ARNT2: variants seen among roughly 807,000 people sequenced by gnomAD.
ARNT2 encodes the protein aryl hydrocarbon receptor nuclear translocator 2.
In ARNT2, 36 loss-of-function variants were observed where a neutral mutation model predicts 91.7. The observed-to-expected ratio is 0.39, with a 90% CI of 0.30 to 0.52. The LOEUF (loss-of-function observed/expected upper bound fraction) is 0.52. Among genes scored for constraint, ARNT2 ranks in the 20% least tolerant of loss-of-function variants. ARNT2 has a pLI of 0.72. For missense variants in ARNT2, 775 were observed against 939.3 expected (o/e 0.83, Z 2.29); for synonymous variants, 365 against 347.1 (o/e 1.05, Z -0.57).
chr15:80,443,513 T>C (rs182102360), intron 1 of ARNT2, among the ~76,000 whole-genome samples: 1 of 151,628 alleles, frequency 6.6e-6, no homozygotes, highest in Admixed American at 6.6e-5. Flanking sequence ...CTCTCGGAGG[T>C]AGCAGCAGGG....
At chr15:80,536,301 A>G (rs1897822069) in intron 8 of ARNT2, among the ~76,000 whole-genome samples, 1 of 152,234 alleles carries the variant, frequency 6.6e-6, no homozygotes, top group Admixed American at 6.5e-5. Flanking sequence ...GGTCTGATTT[A>G]CACAAGGCCT....
intron 1 of ARNT2, among the ~76,000 whole-genome samples, chr15:80,445,694 T>C (rs535681292): frequency 2.0e-5 from 3 of 152,048 alleles, no homozygotes; most frequent in Non-Finnish European, 2.9e-5. Context: ...CACTCCCTCC[T>C]GAGATCCGGG....
At chr15:80,523,523 A>G (rs1897587248) in intron 8 of ARNT2, among the ~76,000 whole-genome samples, 1 of 152,196 alleles carries the variant, frequency 6.6e-6, no homozygotes, top group Non-Finnish European at 1.5e-5. Flanking sequence ...TTCCAAGGTG[A>G]CCATCTCATT....
At chr15:80,565,538 G>GTT (rs537342917) in intron 12 of ARNT2, among the ~76,000 whole-genome samples, 42,153 of 140,690 alleles carry the variant, frequency 0.3, 6,830 homozygotes, top group East Asian at 0.64. Flanking sequence ...TTTTGTTATT[G>GTT]TTTTTTTTTT....
chr15:80,505,990 G>A (rs186417601), intron 5 of ARNT2, among the ~76,000 whole-genome samples: 2 of 131,034 alleles, frequency 1.5e-5, no homozygotes, highest in Non-Finnish European at 1.5e-5. Flanking sequence ...ACTGCGGACC[G>A]CAGTGGCGCA....
At chr15:80,471,108 C>T (rs190635770) in intron 4 of ARNT2, among the ~76,000 whole-genome samples, 3 of 152,286 alleles carry the variant, frequency 2.0e-5, no homozygotes, top group Admixed American at 2.0e-4. Context: ...TTCACAATAG[C>T]AAAGACATGG....
chr15:80,580,303 A>C (rs2141480304), intron 15 of ARNT2, 108 bp from the exon 16 acceptor site: 2 of 1,379,770 alleles, frequency 1.4e-6, no homozygotes, highest in East Asian at 4.6e-5. Context: ...TGCTGCATGG[A>C]GAGAGAGCCA....
chr15:80,563,036 G>T, intron 11 of ARNT2, 52 bp from the exon 12 acceptor site: 1 of 1,607,580 alleles, frequency 6.2e-7, no homozygotes, highest in Non-Finnish European at 8.5e-7. Flanking sequence ...CCCTCCTCCC[G>T]TTTGGCACCA....
intron 9 of ARNT2, 94 bp from the exon 10 acceptor site, chr15:80,552,546 G>A (rs937045426): frequency 6.9e-7 from 1 of 1,456,086 alleles, no homozygotes; most frequent in African/African-American, 1.4e-5. Context: ...GATCTTTGAA[G>A]TGAAATGCAC....
intron 1 of ARNT2, among the ~76,000 whole-genome samples, chr15:80,440,210 T>G (rs530643650): frequency 1.3e-5 from 2 of 152,320 alleles, no homozygotes; most frequent in East Asian, 3.9e-4. Context: ...GTCTGCGGCT[T>G]CTAGGTTTGA....
chr15:80,470,470 A>G, intron 4 of ARNT2, 39 bp downstream of exon 4: 3 of 1,598,350 alleles, frequency 1.9e-6, no homozygotes, highest in Admixed American at 1.7e-5. Context: ...AAGCGGGGGG[A>G]ATCCCAGCGT....
Position 80,555,079 on chromosome 15 carries a change from G to C in ARNT2, c.1104G>C (p.Lys368Asn), listed in dbSNP as rs550917726. Residue 368 changes from lysine (K) to asparagine (N), a missense_variant, in exon 11 of 19, where the codon AAG (lysine) becomes AAC (asparagine). Coordinates refer to ENST00000303329, the MANE Select transcript of ARNT2 (RefSeq NM_014862.4). The part of the protein sequence containing the change: ...IGYQPQDLLG[K>N]DILEFCHPED... ...CTTTTATTTAGGATCTTCTGGGAAA[G>C]GACATTTTGGAATTCTGCCACCCTG... 1.2e-6 allele frequency: 2 copies of C among 1,614,084 alleles called. No homozygotes were observed. Among genetic ancestry groups the C allele is most frequent in the African/African-American group, 1.3e-5 (1 of 74,938 alleles).
intron 8 of ARNT2, among the ~76,000 whole-genome samples, chr15:80,535,320 C>T (rs1486891875): frequency 6.6e-6 from 1 of 152,210 alleles, no homozygotes; most frequent in South Asian, 2.1e-4. Flanking sequence ...TCCTAGCCTA[C>T]AGGCAGGAAT....
chr15:80,522,820 G>GTGTGTGTGTA lies in ARNT2; in HGVS notation c.877+8416_877+8417insGTGTGTGTAT, dbSNP rs548555538. On this transcript the variant is annotated intron_variant, in intron 8 of 18. Transcript: ENST00000303329. ...CATATGTGTGTGTGTGTGTGTGTGT[G>GTGTGTGTGTA]TATATATATATATATACACACATTA... Among the ~76,000 whole-genome samples, 68 of 135,762 alleles carry GTGTGTGTGTA rather than the reference G, an allele frequency of 5.0e-4. 1 individual carries two copies. The highest frequency in any genetic ancestry group is 8.2e-4 in the Non-Finnish European group (52 of 63,612). 89.1% of individuals were successfully genotyped at this position (135,762 alleles called of 152,430 possible).
chr15:80,454,295 T>G (rs1896449402), intron 2 of ARNT2, among the ~76,000 whole-genome samples: 1 of 152,050 alleles, frequency 6.6e-6, no homozygotes, highest in Non-Finnish European at 1.5e-5. Flanking sequence ...GAAGCAGCAG[T>G]GGCTAGTTAG....
chr15:80,434,126 G>C (rs768910103), intron 1 of ARNT2: 2 of 152,248 alleles, frequency 1.3e-5, no homozygotes, highest in Non-Finnish European at 2.9e-5. Flanking sequence ...GGGGAAAAAG[G>C]CTTCTGGCTT....
intron 1 of ARNT2, among the ~76,000 whole-genome samples, chr15:80,446,737 C>T (rs1347600529): frequency 6.7e-6 from 1 of 149,814 alleles, no homozygotes; most frequent in African/African-American, 2.4e-5. Context: ...TGGCAGAGTG[C>T]TGGAAACACA....
Position 80,563,157 on chromosome 15 carries a change from T to C in ARNT2, c.1234T>C (p.Leu412=). The part of the protein sequence containing the change: ...RFRTKNREWM[L]IRTSSFTFQN... Reference sequence around the variant, plus strand: ...TCGCACCAAGAACCGGGAGTGGATGTTGATCCGCACCAGCAGCTTCACATT... The same window carrying C: ...TCGCACCAAGAACCGGGAGTGGATGCTGATCCGCACCAGCAGCTTCACATT... Residue 412 remains leucine, a synonymous_variant, in exon 12 of 19, where the codon TTG becomes CTG. Coordinates refer to ENST00000303329, the MANE Select transcript of ARNT2 (RefSeq NM_014862.4). 2 of 1,614,174 alleles carry C rather than the reference T, an allele frequency of 1.2e-6. No individual in the cohort carries two copies. The highest frequency in any genetic ancestry group is 2.2e-5 in the East Asian group (1 of 44,876).
Position 80,596,414 on chromosome 15 carries a change from G to C in ARNT2, c.*2716G>C, listed in dbSNP as rs965703853. On this transcript the variant is annotated 3_prime_UTR_variant, in exon 19 of 19. Transcript: ENST00000303329. The stretch of plus-strand genomic sequence containing the variant: ...TAAGAAAATAGGGGTGATGGAGGGG[G>C]AGAAGCCCAGGACTGGGAGAATCGC... 3 of 152,258 alleles carry C rather than the reference G, an allele frequency of 2.0e-5. No individual in the cohort carries two copies. Among genetic ancestry groups the C allele is most frequent in the African/African-American group, 2.4e-5 (1 of 41,430 alleles). The allele number at this position is 152,258 out of a possible 1,614,324, so 9.4% of individuals were successfully genotyped here.
Sources: gnomAD v4.1 joint callset for allele counts (sites outside exome capture counted in the v4.1 genomes callset) on GRCh38, gnomAD v4.1.1 for gene constraint, MANE v1.5 for transcripts, NCBI Gene and HGNC (gene_info 2026-07-23, HGNC 2026-07-21) for gene names.